The following TIAM1 variants were observed in gnomAD, a reference collection of about 807,000 sequenced individuals.
The protein encoded by TIAM1 is rho guanine nucleotide exchange factor TIAM1.
In TIAM1, 65 loss-of-function variants were observed where a neutral mutation model predicts 163.5. The observed-to-expected ratio is 0.40, with a 90% confidence interval of 0.33 to 0.49. TIAM1 has a LOEUF of 0.49. Ranked by LOEUF, TIAM1 falls within the 20% of genes least tolerant of loss-of-function variation. The pLI is 0.77. For synonymous variants in TIAM1, 833 were observed against 810.1 expected, an observed-to-expected ratio of 1.03 and a Z score of -0.48; for missense variants, 1,789 against 2,044.7, an observed-to-expected ratio of 0.87 and a Z score of 2.41.
At chr21:31,188,501 A>G (rs892843947) in intron 13 of TIAM1, among the ~76,000 whole-genome samples, 5 of 152,218 alleles carry the variant, frequency 3.3e-5, no homozygotes, top group African/African-American at 7.2e-5. Flanking sequence ...GAAAGAATGA[A>G]TAGGATTCAT....
At chr21:31,397,146 C>T (rs957213775) in intron 2 of TIAM1, among the ~76,000 whole-genome samples, 6 of 152,102 alleles carry the variant, frequency 3.9e-5, no homozygotes, top group Non-Finnish European at 8.8e-5. Context: ...TTAGATGTAA[C>T]ATCAAAGAGG....
At chr21:31,254,728 A>C (rs528319194) in intron 4 of TIAM1, among the ~76,000 whole-genome samples, 1 of 152,154 alleles carries the variant, frequency 6.6e-6, no homozygotes, top group Admixed American at 6.5e-5. Context: ...AAACAAATCA[A>C]TCCCATGCCT....
At chr21:31,396,181 CTTGT>C (rs2077065045) in intron 2 of TIAM1, among the ~76,000 whole-genome samples, 1 of 152,198 alleles carries the variant, frequency 6.6e-6, no homozygotes, top group African/African-American at 2.4e-5. Flanking sequence ...AGTAGAGGGG[CTTGT>C]TTGTGGTTCA....
rs555150936 is a variant in TIAM1, at chr21:31,498,013, G to A, written c.-421-33978C>T. Among the ~76,000 whole-genome samples the A allele has an allele frequency of 1.1e-3, 175 of 152,314 alleles. 2 individuals carry two copies. Among genetic ancestry groups the A allele is most frequent in the African/African-American group, 4.0e-3 (165 of 41,572 alleles). On this transcript the variant is annotated intron_variant, in intron 1 of 28. Coordinates refer to the TIAM1 transcript ENST00000286827. ...TGCTGGTTCTGTGACTGAATCATGT[G>A]ACACACTGCACATCTGTCCTCCATG...
intron 1 of TIAM1, among the ~76,000 whole-genome samples, chr21:31,529,630 AAGGAAATAAATT>A (rs906030129): frequency 6.6e-6 from 1 of 152,204 alleles, no homozygotes; most frequent in Non-Finnish European, 1.5e-5. Context: ...GAAGGAAACA[AAGGAAATAAATT>A]AGGTCACCCA....
intron 2 of TIAM1, among the ~76,000 whole-genome samples, chr21:31,390,496 AAAGT>A (rs1207692672): frequency 2.6e-5 from 4 of 152,174 alleles, no homozygotes; most frequent in African/African-American, 9.7e-5. Context: ...CATCCCCCCG[AAAGT>A]AAGAATTAAG....
chr21:31,122,148 G>A (rs557295276), intron 27 of TIAM1, among the ~76,000 whole-genome samples: 13 of 152,212 alleles, frequency 8.5e-5, no homozygotes, highest in South Asian at 2.1e-4. Flanking sequence ...AGACCCCTGC[G>A]TGTCCATCAC....
intron 20 of TIAM1, among the ~76,000 whole-genome samples, chr21:31,142,920 A>C (rs2082922842): frequency 6.6e-6 from 1 of 152,154 alleles, no homozygotes; most frequent in South Asian, 2.1e-4. Context: ...GGTACCTGGC[A>C]GGGGATGATA....
At chr21:31,152,844 T>C in intron 18 of TIAM1, 83 bp from the exon 19 acceptor site, 1 of 1,506,248 alleles carries the variant, frequency 6.6e-7, no homozygotes. Flanking sequence ...AAGGTTTTTC[T>C]ATCAATTCTT....
intron 2 of TIAM1, among the ~76,000 whole-genome samples, chr21:31,398,976 G>T (rs983194406): frequency 6.6e-6 from 1 of 152,070 alleles, no homozygotes; most frequent in African/African-American, 2.4e-5. Context: ...AGGAGTTCGA[G>T]ACCAGCTTAG....
intron 2 of TIAM1, among the ~76,000 whole-genome samples, chr21:31,292,459 TC>T (rs1388480374): frequency 6.6e-6 from 1 of 150,860 alleles, no homozygotes; most frequent in East Asian, 2.0e-4. Context: ...AGCCTCTGCC[TC>T]CCGGGTTCAA....
chr21:31,284,192 CAG>C (rs1245353095), intron 2 of TIAM1, among the ~76,000 whole-genome samples: 1 of 152,204 alleles, frequency 6.6e-6, no homozygotes, highest in Non-Finnish European at 1.5e-5. Context: ...TATTCATTCT[CAG>C]TGTTTTCATA....
chr21:31,171,355 T>C (rs2084505887), intron 15 of TIAM1, among the ~76,000 whole-genome samples: 1 of 152,166 alleles, frequency 6.6e-6, no homozygotes, highest in Non-Finnish European at 1.5e-5. Context: ...ACAAACCATA[T>C]AAGATTGAAA....
At chr21:31,245,038 A>T (rs965882073) in intron 6 of TIAM1, among the ~76,000 whole-genome samples, 1 of 152,182 alleles carries the variant, frequency 6.6e-6, no homozygotes. Flanking sequence ...TGTTTAGGTG[A>T]TGCCAGTCAT....
intron 1 of TIAM1, among the ~76,000 whole-genome samples, chr21:31,490,050 C>CA (rs1359922296): frequency 6.6e-6 from 1 of 152,060 alleles, no homozygotes; most frequent in Admixed American, 6.5e-5. Flanking sequence ...ATTTTTTTCC[C>CA]AAAAAAACTT....
intron 4 of TIAM1, among the ~76,000 whole-genome samples, chr21:31,263,109 A>C (rs1214151834): frequency 6.6e-6 from 1 of 152,196 alleles, no homozygotes; most frequent in African/African-American, 2.4e-5. Context: ...GTTGTGCATA[A>C]TTCCGGGGTT....
intron 2 of TIAM1, among the ~76,000 whole-genome samples, chr21:31,413,235 C>T (rs369367080): frequency 1.4e-4 from 21 of 148,934 alleles, no homozygotes; most frequent in African/African-American, 4.9e-4. Flanking sequence ...CCTCTTTCTG[C>T]GTATTTCTTT....
At chr21:31,536,550 G>T (rs909874917) in intron 1 of TIAM1, among the ~76,000 whole-genome samples, 2 of 152,190 alleles carry the variant, frequency 1.3e-5, no homozygotes, top group African/African-American at 4.8e-5. Flanking sequence ...AAACATATTA[G>T]GTTGGTTAAA....
At chr21:31,451,131 C>T (rs1187416955) in intron 2 of TIAM1, among the ~76,000 whole-genome samples, 1 of 152,136 alleles carries the variant, frequency 6.6e-6, no homozygotes, top group Non-Finnish European at 1.5e-5. Context: ...GGATAGGCCC[C>T]GGCATCTGCG....
Sources: gnomAD v4.1 joint callset for allele counts (sites outside exome capture counted in the v4.1 genomes callset) on GRCh38, gnomAD v4.1.1 for gene constraint, MANE v1.5 for transcripts, NCBI Gene and HGNC (gene_info 2026-07-23, HGNC 2026-07-21) for gene names.